CTCFL: variants seen among roughly 807,000 people sequenced by gnomAD.
CTCFL encodes the protein CCCTC-binding factor like, also known as transcriptional repressor CTCFL.
In CTCFL, 36 loss-of-function variants were observed where a neutral mutation model predicts 67.4. That is an observed-to-expected ratio of 0.53 (90% CI 0.41 to 0.71). CTCFL has a LOEUF of 0.71. Among genes scored for constraint, CTCFL ranks in the 30% least tolerant of loss-of-function variants. The pLI is 0.00. For missense variants in CTCFL, 786 were observed against 835.2 expected, an observed-to-expected ratio of 0.94 and a Z score of 0.73; for synonymous variants, 324 against 302.3, an observed-to-expected ratio of 1.07 and a Z score of -0.75.
intron 7 of CTCFL, 114 bp downstream of exon 7, chr20:57,514,478 G>A (rs575588496): frequency 9.2e-6 from 12 of 1,298,268 alleles, no homozygotes; most frequent in Non-Finnish European, 1.3e-5. Context: ...CCAGGGCCAA[G>A]TTCCCGAAGA....
rs1206079868 is a variant in CTCFL, at chr20:57,524,197, G to A, written c.9C>T (p.Ala3=). Residue 3 remains alanine, a synonymous_variant, in exon 2 of 11, where the codon GCC becomes GCT. Transcript: ENST00000243914. Reference sequence around the variant, plus strand: ...GCTCAGAAAGGACAGAGATCTCAGTGGCTGCCATAATGACTTGGCCTGTTT... The same window carrying A: ...GCTCAGAAAGGACAGAGATCTCAGTAGCTGCCATAATGACTTGGCCTGTTT... The part of the protein sequence containing the change: MA[A]TEISVLSEQF... The A allele has an allele frequency of 6.2e-7, 1 of 1,612,428 alleles. No individual in the cohort carries two copies. Among genetic ancestry groups the A allele is most frequent in the Admixed American group, 1.7e-5 (1 of 59,940 alleles).
chr20:57,514,716 G>A lies in CTCFL; in HGVS notation c.1206C>T (p.Ile402=), dbSNP rs746756905. 3 of 1,614,168 alleles carry A rather than the reference G, an allele frequency of 1.9e-6. No homozygotes were observed. The highest frequency in any genetic ancestry group is 2.5e-6 in the Non-Finnish European group (3 of 1,180,030). ...CGCTCTGGGTGAAGCGGGTGTGGCA[G>A]ATGTGGCATTCGTAAGGCTTCTCAC... ...HSGEKPYECH[I]CHTRFTQSGT... is the part of the protein sequence containing the mutation. Residue 402 remains isoleucine, a synonymous_variant, in exon 7 of 11, where the codon ATC becomes ATT. Coordinates refer to ENST00000243914, the MANE Select transcript of CTCFL (RefSeq NM_001386993.1).
At chr20:57,509,612 A>G (rs1233507268) in intron 8 of CTCFL, among the ~76,000 whole-genome samples, 2 of 152,176 alleles carry the variant, frequency 1.3e-5, no homozygotes, top group African/African-American at 4.8e-5. Context: ...GGAAATCAGG[A>G]AAAAAATATG....
intron 5 of CTCFL, among the ~76,000 whole-genome samples, chr20:57,517,031 TAA>T (rs2068974661): frequency 6.6e-6 from 1 of 152,066 alleles, no homozygotes; most frequent in Non-Finnish European, 1.5e-5. Context: ...CACAGAAGCC[TAA>T]GGAACACTCG....
chr20:57,510,274 T>C (rs1321090516), intron 8 of CTCFL, among the ~76,000 whole-genome samples: 1 of 152,196 alleles, frequency 6.6e-6, no homozygotes. Context: ...TGTATACAGG[T>C]GGCATGTATT....
At chr20:57,523,439 C>CTT (rs575280488) in intron 2 of CTCFL, among the ~76,000 whole-genome samples, 161 bp from the exon 3 acceptor site, 1 of 152,154 alleles carries the variant, frequency 6.6e-6, no homozygotes, top group African/African-American at 2.4e-5. Context: ...AAACTTAACA[C>CTT]TTTTTTTTAA....
intron 8 of CTCFL, among the ~76,000 whole-genome samples, chr20:57,509,264 C>T (rs951507253): frequency 3.3e-5 from 5 of 150,882 alleles, no homozygotes; most frequent in African/African-American, 7.3e-5. Context: ...CCAATAGTAT[C>T]GTAACAGATC....
intron 3 of CTCFL, among the ~76,000 whole-genome samples, chr20:57,521,400 A>G (rs567520498): frequency 6.6e-6 from 1 of 152,390 alleles, no homozygotes; most frequent in African/African-American, 2.4e-5. Context: ...TAATTAAACA[A>G]TAACAACAAA....
At position 57,524,247 on chromosome 20, in the gene CTCFL, AG is replaced by A. The variant is rs763452015; in HGVS notation, c.-11-32del. On this transcript the variant is annotated intron_variant, in intron 1 of 10. Transcript: ENST00000243914. Reference sequence around the variant, plus strand: ...TGAAAAATAAGCAAGCGGTTTCCATAGGGGGGAGAAGGGGGTGGTATGAGGA... The same window carrying A: ...TGAAAAATAAGCAAGCGGTTTCCATAGGGGGAGAAGGGGGTGGTATGAGGA... 23 of 1,517,088 alleles carry A rather than the reference AG, an allele frequency of 1.5e-5. No individual in the cohort carries two copies. In the East Asian group the frequency reaches 3.8e-4, roughly 25 times the overall value. The allele number at this position is 1,517,088 out of a possible 1,614,324, so 94.0% of individuals were successfully genotyped here.
intron 10 of CTCFL, among the ~76,000 whole-genome samples, chr20:57,499,391 G>A (rs2146271967): frequency 6.6e-6 from 1 of 152,264 alleles, no homozygotes; most frequent in African/African-American, 2.4e-5. Flanking sequence ...CAGCTCAGGA[G>A]CCAGTCTGCA....
chr20:57,505,368 G>A (rs1278089674), intron 9 of CTCFL, among the ~76,000 whole-genome samples: 3 of 151,564 alleles, frequency 2.0e-5, no homozygotes, highest in Middle Eastern at 3.2e-3. Context: ...CCATTCTCCT[G>A]CCTCAGCCTC....
chr20:57,496,331 T>C (rs2067724318), downstream of CTCFL: 1 of 684,510 alleles, frequency 1.5e-6, no homozygotes, highest in Non-Finnish European at 2.7e-6. Context: ...GCCAGGCAGA[T>C]ACCAACATCA....
Position 57,497,474 on chromosome 20 carries a change from G to A in CTCFL, c.*1076C>T, listed in dbSNP as rs1216917338. 3.0e-6 allele frequency: 3 copies of A among 985,218 alleles called. No individual in the cohort carries two copies. The highest frequency in any genetic ancestry group is 3.6e-6 in the Non-Finnish European group (3 of 829,906). The allele number at this position is 985,218 out of a possible 1,614,324, so 61.0% of individuals were successfully genotyped here. A position where few individuals can be genotyped will look rare whatever the true frequency, so the allele number is the denominator to read the frequency against. On this transcript the variant is annotated 3_prime_UTR_variant, in exon 11 of 11. Transcript: ENST00000243914. Reference sequence around the variant, plus strand: ...CTTATCAATGATCTTGAAATACAGGGGTGGAGACAGGTTGGCAGCAAAACA... The same window carrying A: ...CTTATCAATGATCTTGAAATACAGGAGTGGAGACAGGTTGGCAGCAAAACA...
rs776798507 is a variant in CTCFL at position 57,508,649 on chromosome 20, G to C, written c.1631C>G (p.Thr544Ser). ...RKYHDANFIP[T>S]VYKCSKCGKG... ...GCCACACTTGGAGCATTTGTAAACA[G>C]TCGGGATGAAATTTGCATCGTGGTA... The change falls in exon 9 of 11, where the codon ACT becomes AGT. Residue 544 changes from threonine (T) to serine (S), a missense_variant. This residue lies in a region of CTCFL where 199 missense variants were observed against 196.7 expected (regional missense o/e 1.01). Transcript: ENST00000243914. 1 of 1,614,182 alleles carries C rather than the reference G, an allele frequency of 6.2e-7. No homozygotes were observed. The highest frequency in any genetic ancestry group is 8.5e-7 in the Non-Finnish European group (1 of 1,180,032).
intron 6 of CTCFL, 72 bp from the exon 7 acceptor site, chr20:57,514,813 G>T (rs2068797860): frequency 1.4e-5 from 17 of 1,201,268 alleles, no homozygotes; most frequent in Non-Finnish European, 1.7e-5. Context: ...TGCTGAAAGT[G>T]TTTTTTTTTT....
chr20:57,499,849 G>T (rs1346153322), intron 10 of CTCFL: 1 of 473,788 alleles, frequency 2.1e-6, no homozygotes, highest in Non-Finnish European at 2.8e-6. Flanking sequence ...GCGGTGATGC[G>T]CCCGATGGGG....
intron 10 of CTCFL, among the ~76,000 whole-genome samples, chr20:57,502,140 CCTGG>C (rs1174876768): frequency 1.3e-5 from 2 of 152,192 alleles, no homozygotes; most frequent in Non-Finnish European, 2.9e-5. Flanking sequence ...CCAGGCAGGG[CCTGG>C]CTGTGTGACG....
chr20:57,503,705 G>T, intron 9 of CTCFL, 104 bp from the exon 10 acceptor site: 1 of 1,206,376 alleles, frequency 8.3e-7, no homozygotes, highest in Non-Finnish European at 1.2e-6. Context: ...GAAAAATCCT[G>T]AGTTCTTTCG....
chr20:57,504,429 G>A (rs1169347074), intron 9 of CTCFL, among the ~76,000 whole-genome samples: 5 of 151,342 alleles, frequency 3.3e-5, no homozygotes, highest in Non-Finnish European at 7.4e-5. Context: ...ACAGGCGAGT[G>A]CCACCACACC....
Sources: gnomAD v4.1 joint callset for allele counts (sites outside exome capture counted in the v4.1 genomes callset) on GRCh38, gnomAD v4.1.1 for gene constraint, gnomAD v4.1.1 regional missense constraint, MANE v1.5 for transcripts, NCBI Gene and HGNC (gene_info 2026-07-23, HGNC 2026-07-21) for gene names.